Variants in KCNT2 observed in about 807,000 individuals in gnomAD.
KCNT2 encodes the protein potassium sodium-activated channel subfamily T member 2.
KCNT2 carries 67 observed loss-of-function variants against 153.8 expected under a neutral mutation model. The observed-to-expected ratio is 0.44, with a 90% CI of 0.36 to 0.53. The LOEUF is 0.53. Among genes scored for constraint, KCNT2 ranks in the 20% least tolerant of loss-of-function variants. The pLI is 0.00. For synonymous variants in KCNT2, 500 were observed against 458.8 expected, an observed-to-expected ratio of 1.09 and a Z score of -1.15; for missense variants, 975 against 1,354.8, an observed-to-expected ratio of 0.72 and a Z score of 4.40.
intron 12 of KCNT2, 46 bp downstream of exon 12, chr1:196,423,004 C>A: frequency 7.9e-7 from 1 of 1,267,982 alleles, no homozygotes; most frequent in Non-Finnish European, 1.1e-6. Context: ...AAAAAATCTT[C>A]TAAAATGGAA....
chr1:196,320,269 T>A (rs886894512), intron 19 of KCNT2, among the ~76,000 whole-genome samples: 4 of 152,000 alleles, frequency 2.6e-5, no homozygotes, highest in Admixed American at 6.6e-5. Context: ...CACAAAGTTA[T>A]TAATTCCTTC....
intron 13 of KCNT2, among the ~76,000 whole-genome samples, chr1:196,382,639 A>G (rs773061783): frequency 6.6e-6 from 1 of 152,134 alleles, no homozygotes; most frequent in Non-Finnish European, 1.5e-5. Flanking sequence ...GAAATCCATC[A>G]ATTATAATAG....
intron 14 of KCNT2, among the ~76,000 whole-genome samples, chr1:196,363,646 C>T (rs1459308620): frequency 6.6e-6 from 1 of 152,120 alleles, no homozygotes; most frequent in Non-Finnish European, 1.5e-5. Flanking sequence ...TCCTCATTAG[C>T]TCCCTTTACA....
intron 7 of KCNT2, among the ~76,000 whole-genome samples, chr1:196,465,748 G>A (rs2148661640): frequency 6.6e-6 from 1 of 151,820 alleles, no homozygotes; most frequent in African/African-American, 2.4e-5. Context: ...AAAATAGTAT[G>A]TTTAATTAAG....
intron 22 of KCNT2, among the ~76,000 whole-genome samples, chr1:196,303,281 T>G (rs1482998324): frequency 6.6e-6 from 1 of 152,176 alleles, no homozygotes; most frequent in Non-Finnish European, 1.5e-5. Flanking sequence ...GTCTCTCTCT[T>G]TGGGAGTTTA....
At chr1:196,498,591 T>A (rs1453115093) in intron 1 of KCNT2, among the ~76,000 whole-genome samples, 3 of 152,192 alleles carry the variant, frequency 2.0e-5, no homozygotes, top group South Asian at 4.1e-4. Context: ...TATTTGATGT[T>A]CATTGTCCTT....
At chr1:196,466,920 A>G (rs985300091) in intron 7 of KCNT2, among the ~76,000 whole-genome samples, 1 of 151,960 alleles carries the variant, frequency 6.6e-6, no homozygotes, top group African/African-American at 2.4e-5. Flanking sequence ...GTATAATGCA[A>G]CTGGGGCACA....
intron 20 of KCNT2, among the ~76,000 whole-genome samples, chr1:196,318,231 C>T (rs544032977): frequency 6.6e-5 from 10 of 151,536 alleles, no homozygotes; most frequent in East Asian, 1.9e-4. Context: ...ATGTGAAGTA[C>T]GTAAGTGTAA....
intron 1 of KCNT2, among the ~76,000 whole-genome samples, chr1:196,572,206 C>T (rs1660861144): frequency 6.6e-6 from 1 of 152,022 alleles, no homozygotes; most frequent in Admixed American, 6.6e-5. Flanking sequence ...TAAACCTTGC[C>T]AGTTCAAGTT....
intron 25 of KCNT2, among the ~76,000 whole-genome samples, chr1:196,278,169 AT>A (rs906006889): frequency 8.5e-5 from 13 of 152,106 alleles, no homozygotes; most frequent in Non-Finnish European, 1.5e-4. Flanking sequence ...ACATATTGCT[AT>A]TTTTTACCTT....
At position 196,518,745 on chromosome 1, in the gene KCNT2, A is replaced by G. The variant is rs570900668; in HGVS notation, c.96-26404T>C. Among the ~76,000 whole-genome samples the G allele has an allele frequency of 3.9e-5, 6 of 152,332 alleles. No homozygotes were observed. The South Asian group carries it at 1.0e-3, about 26-fold the overall frequency. On this transcript the variant is annotated intron_variant, in intron 1 of 27. Transcript: ENST00000294725. ...AAGAAGACCTAACTATCCTAAATAC[A>G]TATGCAACCAACACAGGAGCAACCA...
At chr1:196,475,919 G>A (rs1291972490) in intron 5 of KCNT2, among the ~76,000 whole-genome samples, 1 of 152,182 alleles carries the variant, frequency 6.6e-6, no homozygotes, top group Non-Finnish European at 1.5e-5. Context: ...TAATGTTTAT[G>A]AGGGTTGAAA....
At chr1:196,574,751 T>G (rs1333108217) in intron 1 of KCNT2, among the ~76,000 whole-genome samples, 1 of 152,018 alleles carries the variant, frequency 6.6e-6, no homozygotes, top group Non-Finnish European at 1.5e-5. Context: ...ATAAATTATA[T>G]ATATGATTTA....
chr1:196,231,014 A>C (rs1164343625), intron 27 of KCNT2, among the ~76,000 whole-genome samples: 1 of 151,836 alleles, frequency 6.6e-6, no homozygotes, highest in Admixed American at 6.6e-5. Flanking sequence ...GCAGCATACT[A>C]CTTCATTGTT....
chr1:196,363,984 C>A (rs1010229421), intron 14 of KCNT2, among the ~76,000 whole-genome samples: 1 of 151,840 alleles, frequency 6.6e-6, no homozygotes, highest in East Asian at 1.9e-4. Flanking sequence ...ATACTGATTC[C>A]AATCTCATCC....
At chr1:196,292,398 C>T (rs1236356933) in intron 22 of KCNT2, among the ~76,000 whole-genome samples, 3 of 152,206 alleles carry the variant, frequency 2.0e-5, no homozygotes, top group African/African-American at 4.8e-5. Context: ...GCTATTCCTT[C>T]TAAGATCAGG....
intron 14 of KCNT2, among the ~76,000 whole-genome samples, chr1:196,349,044 G>T (rs1329795506): frequency 6.6e-6 from 1 of 152,052 alleles, no homozygotes; most frequent in Non-Finnish European, 1.5e-5. Flanking sequence ...GCCAATACCA[G>T]TCAAGAGAGC....
intron 1 of KCNT2, among the ~76,000 whole-genome samples, chr1:196,502,398 A>G (rs752396131): frequency 2.0e-5 from 3 of 152,222 alleles, no homozygotes; most frequent in Non-Finnish European, 4.4e-5. Context: ...AATTCAAAAT[A>G]ATGTCAGTTT....
At chr1:196,340,808 G>T (rs1665549564) in intron 15 of KCNT2, among the ~76,000 whole-genome samples, 1 of 151,850 alleles carries the variant, frequency 6.6e-6, no homozygotes, top group African/African-American at 2.4e-5. Context: ...TAAGAAACAT[G>T]AGTGCATGTA....
Sources: gnomAD v4.1 joint callset for allele counts (sites outside exome capture counted in the v4.1 genomes callset) on GRCh38, gnomAD v4.1.1 for gene constraint, MANE v1.5 for transcripts, NCBI Gene and HGNC (gene_info 2026-07-23, HGNC 2026-07-21) for gene names.